GAA: variants seen among roughly 807,000 people sequenced by gnomAD.
The protein encoded by GAA is lysosomal alpha-glucosidase.
Under a neutral mutation model 103.9 loss-of-function variants are expected in GAA, and 88 were observed. The ratio of observed to expected loss-of-function variants is 0.85; its 90% confidence interval spans 0.71 to 1.01. The LOEUF is 1.01. GAA is among the 50% of genes least tolerant of loss of function. GAA has a pLI of 0.00. For missense variants in GAA, 1,350 were observed against 1,305.3 expected, an observed-to-expected ratio of 1.03 and a Z score of -0.53; for synonymous variants, 572 against 563.1, an observed-to-expected ratio of 1.02 and a Z score of -0.22.
Position 80,116,467 on chromosome 17 carries a change from G to A in GAA, c.2190-501G>A, listed in dbSNP as rs73438112. ...AGGAAACAGGACAGGGCAGAGCTGCGTCACAGGGCAGGACAGTCTCCGTTA... is the reference window on the plus strand; with the variant it reads ...AGGAAACAGGACAGGGCAGAGCTGCATCACAGGGCAGGACAGTCTCCGTTA... On this transcript the variant is annotated intron_variant, in intron 15 of 19. Transcript: ENST00000302262. 2.7e-3 allele frequency among the ~76,000 whole-genome samples: 411 copies of A among 152,330 alleles called. 3 individuals are homozygous for A. Among genetic ancestry groups the A allele is most frequent in the African/African-American group, 9.1e-3 (379 of 41,560 alleles).
intron 1 of GAA, among the ~76,000 whole-genome samples, chr17:80,103,558 A>G (rs890586657): frequency 1.3e-5 from 2 of 152,178 alleles, no homozygotes; most frequent in African/African-American, 4.8e-5. Context: ...GCCATAAAAT[A>G]TTAATGTACA....
rs760146859 is a variant in GAA at position 80,108,529 on chromosome 17, C to T, written c.1116C>T (p.His372=). The T allele has an allele frequency of 5.6e-6, 9 of 1,612,968 alleles. No individual in the cohort carries two copies. Among genetic ancestry groups the T allele is most frequent in the South Asian group, 3.3e-5 (3 of 91,082 alleles). The change falls in exon 7 of 20, where the codon CAC becomes CAT. Residue 372 remains histidine (H), a synonymous_variant. Coordinates refer to ENST00000302262, the MANE Select transcript of GAA (RefSeq NM_000152.5). Reference sequence around the variant, plus strand: ...CGCCATACTGGGGCCTGGGCTTCCACCTGTGCCGCTGGGGCTACTCCTCCA... The same window carrying T: ...CGCCATACTGGGGCCTGGGCTTCCATCTGTGCCGCTGGGGCTACTCCTCCA... ...FMPPYWGLGF[H]LCRWGYSSTA... is the part of the protein sequence containing the mutation.
chr17:80,117,213 G>C (rs990588831), intron 16 of GAA, 104 bp downstream of exon 16: 2 of 1,289,036 alleles, frequency 1.6e-6, no homozygotes, highest in Non-Finnish European at 2.2e-6. Context: ...AAAGAGGAAC[G>C]TATGTGTTGA....
intron 3 of GAA, 100 bp from the exon 4 acceptor site, chr17:80,107,457 G>A (rs1481701707): frequency 1.4e-5 from 21 of 1,522,366 alleles, no homozygotes; most frequent in South Asian, 5.6e-5. Flanking sequence ...AGGCCACTCC[G>A]CCCTCCCAGG....
At chr17:80,111,664 T>A in intron 11 of GAA, 1 of 411,930 alleles carries the variant, frequency 2.4e-6, no homozygotes, top group Non-Finnish European at 4.5e-6. Flanking sequence ...AGTGAGAGGA[T>A]GGGGTTTTGG....
At chr17:80,110,565 A>G (rs2039207631) in intron 9 of GAA, among the ~76,000 whole-genome samples, 162 bp from the exon 10 acceptor site, 1 of 152,254 alleles carries the variant, frequency 6.6e-6, no homozygotes, top group Non-Finnish European at 1.5e-5. Flanking sequence ...TTGTGGAGAA[A>G]GAGCTGCTCA....
At position 80,112,090 on chromosome 17, in the gene GAA, G is replaced by T; in HGVS notation, c.1744G>T (p.Ala582Ser). The T allele has an allele frequency of 5.0e-6, 8 of 1,613,474 alleles. No individual in the cohort carries two copies. Among genetic ancestry groups the T allele is most frequent in the Non-Finnish European group, 6.8e-6 (8 of 1,179,616 alleles). ...CCTCTACGGCCTGACCGAAGCCATC[G>T]CCTCCCACAGGTGAGGGCCACGTCC... Reference protein sequence around the residue: ...HNLYGLTEAIASHRALVKARG... With the variant: ...HNLYGLTEAISSHRALVKARG... Residue 582 changes from alanine (A) to serine (S), a missense_variant, in exon 12 of 20, where the codon GCC (alanine) becomes TCC (serine). Physicochemically the swap from Ala to Ser is moderately conservative, Grantham distance 99. Transcript: ENST00000302262.
intron 19 of GAA, 82 bp downstream of exon 19, chr17:80,118,887 CGATGCCAGGAACAGAGGAT>C: frequency 6.6e-7 from 1 of 1,516,882 alleles, no homozygotes; most frequent in Non-Finnish European, 9.0e-7. Context: ...TCCTGGTGAC[CGATGCCAGGAACAGAGGAT>C]GCTGGGACCT....
chr17:80,105,884 G>T lies in GAA; in HGVS notation c.682G>T (p.Gly228Cys). 1.3e-6 allele frequency: 2 copies of T among 1,596,600 alleles called. No individual in the cohort carries two copies. The highest frequency in any genetic ancestry group is 1.7e-6 in the Non-Finnish European group (2 of 1,174,732). ...FGVIVRRQLD[G>C]RVLLNTTVAP... Reference sequence around the variant, plus strand: ...GGTGATCGTGCGCCGGCAGCTGGACGGCCGCGTGCTGTGAGTTCTGGGCTC... The same window carrying T: ...GGTGATCGTGCGCCGGCAGCTGGACTGCCGCGTGCTGTGAGTTCTGGGCTC... Residue 228 changes from glycine (G) to cysteine (C), a missense_variant, in exon 3 of 20, where the codon GGC becomes TGC. Transcript: ENST00000302262.
intron 15 of GAA, chr17:80,116,762 G>T: frequency 1.6e-6 from 1 of 623,234 alleles, no homozygotes; most frequent in Non-Finnish European, 2.9e-6. Flanking sequence ...CGGCATGTCC[G>T]GGGAGAAGGC....
chr17:80,112,477 C>T (rs1028912548), intron 12 of GAA, 101 bp from the exon 13 acceptor site: 11 of 1,459,028 alleles, frequency 7.5e-6, no homozygotes, highest in Non-Finnish European at 1.0e-5. Context: ...GCCTCTGCCT[C>T]ATCCCAGAAA....
chr17:80,112,294 C>CT, intron 12 of GAA, 194 bp downstream of exon 12: 1 of 667,820 alleles, frequency 1.5e-6, no homozygotes, highest in Non-Finnish European at 2.6e-6. Context: ...CACTTCATGC[C>CT]TGGGGCTTGG....
intron 15 of GAA, among the ~76,000 whole-genome samples, chr17:80,114,905 G>A (rs1014636087): frequency 2.6e-5 from 4 of 152,284 alleles, no homozygotes; most frequent in Admixed American, 6.5e-5. Context: ...TCTGCTCAAC[G>A]TAGGGTTCTT....
In GAA at chr17:80,118,701, C is replaced by T. The variant is rs1293831077; in HGVS notation, c.2695C>T (p.Leu899=). 1.2e-6 allele frequency: 2 copies of T among 1,613,192 alleles called. No homozygotes were observed. The highest frequency in any genetic ancestry group is 1.6e-4 in the Middle Eastern group (1 of 6,062). ...ACGTGTGACCAGTGAGGGAGCTGGC[C>T]TGCAGCTGCAGAAGGTGACTGTCCT... ...LVRVTSEGAG[L]QLQKVTVLGV... is the part of the protein sequence containing the mutation. The change falls in exon 19 of 20, where the codon CTG becomes TTG. Residue 899 remains leucine (L), a synonymous_variant. Coordinates refer to ENST00000302262, the MANE Select transcript of GAA (RefSeq NM_000152.5).
intron 3 of GAA, among the ~76,000 whole-genome samples, chr17:80,106,562 G>A (rs1441765057): frequency 1.3e-5 from 2 of 152,176 alleles, no homozygotes; most frequent in South Asian, 2.1e-4. Context: ...GCAGATGCAG[G>A]GGACAGGGGT....
chr17:80,108,520 G>T lies in GAA; in HGVS notation c.1107G>T (p.Leu369=), dbSNP rs767807936. 2.0e-5 allele frequency: 32 copies of T among 1,613,034 alleles called. No homozygotes were observed. Among genetic ancestry groups the T allele is most frequent in the Non-Finnish European group, 2.6e-5 (31 of 1,179,988 alleles). Residue 369 remains leucine, a synonymous_variant, in exon 7 of 20, where the codon CTG becomes CTT. Transcript: ENST00000302262. ...CGTTCATGCCGCCATACTGGGGCCT[G>T]GGCTTCCACCTGTGCCGCTGGGGCT... ...GYPFMPPYWG[L]GFHLCRWGYS...
At position 80,111,990 on chromosome 17, in the gene GAA, TG is replaced by T. The variant is rs766398206; in HGVS notation, c.1650del (p.Thr551ProfsTer27). 3 of 1,613,532 alleles carry T rather than the reference TG, an allele frequency of 1.9e-6. No homozygotes were observed. Among genetic ancestry groups the T allele is most frequent in the Non-Finnish European group, 8.5e-7 (1 of 1,179,816 alleles). ...ENPPYVPGVV[G>X]GTLQAATICA... ...AGCCCCCGCCTCTTCCAGGGGTGGTTGGGGGGACCCTCCAGGCGGCCACCAT... is the reference window on the plus strand; with the variant it reads ...AGCCCCCGCCTCTTCCAGGGGTGGTTGGGGGACCCTCCAGGCGGCCACCAT... On this transcript the variant is annotated frameshift_variant, in exon 12 of 20. Transcript: ENST00000302262. LOFTEE classifies it high-confidence loss of function.
intron 1 of GAA, chr17:80,102,584 C>T (rs1216982736): frequency 2.0e-5 from 3 of 152,186 alleles, no homozygotes; most frequent in African/African-American, 7.2e-5. Context: ...GAGGGCTTCC[C>T]GCCGGGTTGT....
intron 1 of GAA, among the ~76,000 whole-genome samples, chr17:80,103,700 A>C (rs1213272513): frequency 6.6e-6 from 1 of 150,582 alleles, no homozygotes; most frequent in Non-Finnish European, 1.5e-5. Flanking sequence ...AGCCACTGTT[A>C]CAGAGACTGT....
Sources: allele counts gnomAD v4.1 joint callset (sites outside exome capture counted in the v4.1 genomes callset), GRCh38; gene constraint gnomAD v4.1.1; transcripts MANE v1.5; gene names NCBI Gene and HGNC (gene_info 2026-07-23, HGNC 2026-07-21).